TMEM131L: variants seen among roughly 807,000 people sequenced by gnomAD.
TMEM131L encodes transmembrane 131 like, also known as transmembrane protein 131-like.
Under a neutral mutation model 192.2 loss-of-function variants are expected in TMEM131L, and 54 were observed. The ratio of observed to expected loss-of-function variants is 0.28; its 90% CI spans 0.23 to 0.35. The LOEUF (loss-of-function observed/expected upper bound fraction) is 0.35. Among genes scored for constraint, TMEM131L ranks in the 10% least tolerant of loss-of-function variants. The pLI is 1.00. For missense variants in TMEM131L, 1,888 were observed against 1,972.9 expected, an observed-to-expected ratio of 0.96 and a Z score of 0.82; for synonymous variants, 701 against 704.9, an observed-to-expected ratio of 0.99 and a Z score of 0.09.
chr4:153,507,728 C>A (rs1253329839), intron 3 of TMEM131L, among the ~76,000 whole-genome samples: 1 of 151,976 alleles, frequency 6.6e-6, no homozygotes, highest in Non-Finnish European at 1.5e-5. Flanking sequence ...AAAAAACAAA[C>A]AAACAAAAAA....
intron 3 of TMEM131L, among the ~76,000 whole-genome samples, chr4:153,549,603 G>C (rs9994000): frequency 0.48 from 72,368 of 152,042 alleles, 21,730 homozygotes; most frequent in African/African-American, 0.85. Context: ...ATGTGAGATT[G>C]TGTATGATTG....
intron 7 of TMEM131L, among the ~76,000 whole-genome samples, chr4:153,573,643 T>TA (rs1160074088): frequency 6.6e-6 from 1 of 152,230 alleles, no homozygotes; most frequent in African/African-American, 2.4e-5. Flanking sequence ...GGGGTTATCT[T>TA]AGTCTCCCAA....
intron 2 of TMEM131L, among the ~76,000 whole-genome samples, chr4:153,468,492 C>T (rs1354484946): frequency 6.6e-6 from 1 of 152,054 alleles, no homozygotes; most frequent in Admixed American, 6.6e-5. Flanking sequence ...TTGGAAGATA[C>T]AGAAATATAA....
At chr4:153,540,611 G>A (rs1054039700) in intron 3 of TMEM131L, among the ~76,000 whole-genome samples, 6 of 152,070 alleles carry the variant, frequency 3.9e-5, no homozygotes, top group Non-Finnish European at 5.9e-5. Context: ...AACTGCCTTG[G>A]GTAGATAGAA....
chr4:153,582,313 C>T (rs61237977), intron 9 of TMEM131L, among the ~76,000 whole-genome samples: 14,948 of 151,378 alleles, frequency 0.099, 2,248 homozygotes, highest in African/African-American at 0.32. Flanking sequence ...GATGTGATCT[C>T]GGCTCACTGC....
At chr4:153,475,007 A>G (rs1198684344) in intron 3 of TMEM131L, among the ~76,000 whole-genome samples, 2 of 152,138 alleles carry the variant, frequency 1.3e-5, no homozygotes, top group Non-Finnish European at 2.9e-5. Context: ...GGGTGTAGGT[A>G]TCTCCTAAAG....
At chr4:153,551,161 A>G (rs1034481440) in intron 4 of TMEM131L, among the ~76,000 whole-genome samples, 3 of 152,176 alleles carry the variant, frequency 2.0e-5, no homozygotes, top group African/African-American at 4.8e-5. Context: ...GGGGCTGGCA[A>G]ATAACACTTC....
chr4:153,627,736 G>A (rs371568638), intron 31 of TMEM131L, 49 bp downstream of exon 31: 8 of 1,475,008 alleles, frequency 5.4e-6, no homozygotes, highest in Non-Finnish European at 7.6e-6. Flanking sequence ...GTTCTGTGCT[G>A]TCTGTATTCC....
chr4:153,604,011 C>T lies in TMEM131L; in HGVS notation c.2999C>T (p.Thr1000Met), dbSNP rs758981167. The T allele has an allele frequency of 1.1e-5, 17 of 1,614,000 alleles. No homozygotes were observed. The highest frequency in any genetic ancestry group is 5.5e-5 in the South Asian group (5 of 91,086). ...ACAGCTGCGGCCAGCAGCACCAGCA[C>T]GACTACTGAGGAAAAACAGACTTCA... is the stretch of plus-strand genomic sequence containing the variant. ...TSTAAASSTS[T>M]TTEEKQTSPL... The change falls in exon 25 of 35, where the codon ACG (threonine) becomes ATG (methionine). Residue 1000 changes from threonine (T) to methionine (M), a missense_variant. Transcript: ENST00000409959.
At chr4:153,593,190 A>G (rs978256052) in intron 18 of TMEM131L, among the ~76,000 whole-genome samples, 1 of 152,210 alleles carries the variant, frequency 6.6e-6, no homozygotes, top group African/African-American at 2.4e-5. Flanking sequence ...TTATTTTCAC[A>G]CAATCACAGT....
At chr4:153,625,833 G>A (rs990093796) in intron 29 of TMEM131L, among the ~76,000 whole-genome samples, 2 of 150,798 alleles carry the variant, frequency 1.3e-5, no homozygotes, top group Admixed American at 6.6e-5. Flanking sequence ...GGTTGAACCC[G>A]GGAGGTGGAA....
At chr4:153,617,361 T>C (rs1733054056) in intron 26 of TMEM131L, among the ~76,000 whole-genome samples, 1 of 152,204 alleles carries the variant, frequency 6.6e-6, no homozygotes, top group East Asian at 1.9e-4. Context: ...AACGAACTAA[T>C]ACAGGGATCA....
At chr4:153,554,679 C>T (rs1208814053) in intron 4 of TMEM131L, among the ~76,000 whole-genome samples, 1 of 151,976 alleles carries the variant, frequency 6.6e-6, no homozygotes, top group Non-Finnish European at 1.5e-5. Context: ...ATTTCTAGGC[C>T]ATCCGAATGA....
intron 7 of TMEM131L, among the ~76,000 whole-genome samples, chr4:153,559,568 C>T (rs1728710613): frequency 6.6e-6 from 1 of 152,132 alleles, no homozygotes; most frequent in Admixed American, 6.5e-5. Context: ...ACTGACTCTG[C>T]AGGCCTCCTA....
intron 4 of TMEM131L, among the ~76,000 whole-genome samples, chr4:153,550,624 CCTT>C: frequency 6.6e-6 from 1 of 152,174 alleles, no homozygotes; most frequent in East Asian, 1.9e-4. Flanking sequence ...CCACTCCTGG[CCTT>C]CTTTAATTTT....
chr4:153,514,762 A>G (rs1451165320), intron 3 of TMEM131L, among the ~76,000 whole-genome samples: 1 of 152,212 alleles, frequency 6.6e-6, no homozygotes, highest in Non-Finnish European at 1.5e-5. Flanking sequence ...TTATTGAGAT[A>G]GAATTTACAC....
At chr4:153,474,078 TAGAAAGCTGTTAGA>T (rs1266196783) in intron 3 of TMEM131L, among the ~76,000 whole-genome samples, 190 bp downstream of exon 3, 2 of 152,178 alleles carry the variant, frequency 1.3e-5, no homozygotes, top group Non-Finnish European at 2.9e-5. Context: ...TAAGGTTGTT[TAGAAAGCTGTTAGA>T]AATAGCCCCT....
intron 25 of TMEM131L, among the ~76,000 whole-genome samples, chr4:153,605,504 A>G (rs888431655): frequency 3.3e-5 from 5 of 152,192 alleles, no homozygotes; most frequent in African/African-American, 1.2e-4. Context: ...AGTAGCTGGG[A>G]CTACGGGCAC....
chr4:153,575,279 TTCTCTC>T (rs1729859003), intron 7 of TMEM131L, among the ~76,000 whole-genome samples: 1 of 152,188 alleles, frequency 6.6e-6, no homozygotes, highest in South Asian at 2.1e-4. Context: ...GATGATTCCT[TTCTCTC>T]TAGTATCCAG....
Sources: allele counts gnomAD v4.1 joint callset (sites outside exome capture counted in the v4.1 genomes callset), GRCh38; gene constraint gnomAD v4.1.1; transcripts MANE v1.5; gene names NCBI Gene and HGNC (gene_info 2026-07-23, HGNC 2026-07-21).